The following ADIPOQ variants were observed in gnomAD, a reference collection of about 807,000 sequenced individuals.
The protein encoded by ADIPOQ is adiponectin, C1Q and collagen domain containing, also known as adiponectin.
ADIPOQ carries 19 observed loss-of-function variants against 16.1 expected under a neutral mutation model. The ratio of observed to expected loss-of-function variants is 1.18; its 90% CI spans 0.82 to 1.73. The LOEUF is 1.73. Among genes scored for constraint, ADIPOQ ranks in the 40% most tolerant of loss-of-function variants. The pLI is 0.00. For synonymous variants in ADIPOQ, 124 were observed against 125.5 expected (o/e 0.99, Z 0.08); for missense variants, 323 against 308.3 (o/e 1.05, Z -0.36).
chr3:186,846,051 G>T (rs895881111), intron 1 of ADIPOQ, among the ~76,000 whole-genome samples: 2 of 152,018 alleles, frequency 1.3e-5, no homozygotes, highest in African/African-American at 4.8e-5. Flanking sequence ...CTGAAGTTGG[G>T]CTCATTTCCT....
At chr3:186,853,455 T>C (rs185319313) in intron 2 of ADIPOQ, among the ~76,000 whole-genome samples, 183 bp downstream of exon 2, 35 of 152,254 alleles carry the variant, frequency 2.3e-4, no homozygotes, top group Non-Finnish European at 4.4e-5. Context: ...GGTGCCTCTA[T>C]AACCAAGACT....
At chr3:186,849,478 T>C (rs977239403) in intron 1 of ADIPOQ, among the ~76,000 whole-genome samples, 3 of 152,208 alleles carry the variant, frequency 2.0e-5, no homozygotes, top group South Asian at 2.1e-4. Flanking sequence ...TTGAGACTAG[T>C]CAAACCTAAG....
At chr3:186,848,381 GT>G (rs1711643037) in intron 1 of ADIPOQ, among the ~76,000 whole-genome samples, 2 of 152,210 alleles carry the variant, frequency 1.3e-5, no homozygotes, top group Non-Finnish European at 2.9e-5. Context: ...ATTTTTATAT[GT>G]TTGTCGTTTT....
At chr3:186,849,060 A>G (rs1711663763) in intron 1 of ADIPOQ, among the ~76,000 whole-genome samples, 1 of 152,164 alleles carries the variant, frequency 6.6e-6, no homozygotes, top group African/African-American at 2.4e-5. Flanking sequence ...GTGTTCCCTT[A>G]GGGTAGGAGA....
rs1711944339 is a variant in ADIPOQ, at chr3:186,855,003, G to GCTTGTAAAA, written c.*299_*300insCTTGTAAAA. 2.5e-5 allele frequency: 11 copies of GCTTGTAAAA among 433,168 alleles called. No individual in the cohort carries two copies. The highest frequency in any genetic ancestry group is 4.7e-5 in the Non-Finnish European group (11 of 234,608). 26.8% of individuals were successfully genotyped at this position (433,168 alleles called of 1,614,324 possible). A position where few individuals can be genotyped will look rare whatever the true frequency, so the allele number is the denominator to read the frequency against. On this transcript the variant is annotated 3_prime_UTR_variant, in exon 3 of 3. Transcript: ENST00000320741. ...TCATATCAATCCTATAAGGCACAGG[G>GCTTGTAAAA]AACAAGCATTCTCCTGTTTTTACAG...
At position 186,847,980 on chromosome 3, in the gene ADIPOQ, C is replaced by T. The variant is rs528963141; in HGVS notation, c.-8-5071C>T. Among the ~76,000 whole-genome samples, 1,148 of 151,880 alleles carry T rather than the reference C, an allele frequency of 7.6e-3. 7 individuals carry two copies. Among genetic ancestry groups the T allele is most frequent in the Non-Finnish European group, 0.012 (818 of 67,934 alleles). Reference sequence around the variant, plus strand: ...TGAGGTCAGGAGTTTGAGACCAGCCCGGCCAACATGGTGAAATCCCATCTC... The same window carrying T: ...TGAGGTCAGGAGTTTGAGACCAGCCTGGCCAACATGGTGAAATCCCATCTC... On this transcript the variant is annotated intron_variant, in intron 1 of 2. Transcript: ENST00000320741.
chr3:186,845,798 T>TTTA (rs1711561654), intron 1 of ADIPOQ, among the ~76,000 whole-genome samples: 1 of 152,190 alleles, frequency 6.6e-6, no homozygotes, highest in Non-Finnish European at 1.5e-5. Context: ...TATGGGAAGA[T>TTTA]TAAGTAAAAT....
chr3:186,852,829 A>G (rs1711828193), intron 1 of ADIPOQ: 2 of 554,096 alleles, frequency 3.6e-6, no homozygotes, highest in East Asian at 6.0e-5. Context: ...AGGAAAGGAG[A>G]CTACACACAG....
chr3:186,845,286 C>G (rs1711552066), intron 1 of ADIPOQ, among the ~76,000 whole-genome samples: 1 of 152,146 alleles, frequency 6.6e-6, no homozygotes, highest in African/African-American at 2.4e-5. Context: ...CTAGGCAAAG[C>G]TGAGTTGATT....
chr3:186,857,917 C>CTTCCTTCCTTTCTTTCTCTCTCTCTCTCT lies in ADIPOQ; in HGVS notation c.*3224_*3252dup, dbSNP rs1712068708. 1 of 150,008 alleles carries CTTCCTTCCTTTCTTTCTCTCTCTCTCTCT rather than the reference C, an allele frequency of 6.7e-6. No homozygotes were observed. The highest frequency in any genetic ancestry group is 6.8e-5 in the Admixed American group (1 of 14,680). The allele number at this position is 150,008 out of a possible 1,614,324, so 9.3% of individuals were successfully genotyped here. On this transcript the variant is annotated 3_prime_UTR_variant, in exon 3 of 3. Coordinates refer to ENST00000320741, the MANE Select transcript of ADIPOQ (RefSeq NM_004797.4). ...CTTTTCTTTCTTCCTTCCTTTCTTTCTTCCTTCCTTTCTTTCTCTCTCTCT... is the reference window on the plus strand; with the variant it reads ...CTTTTCTTTCTTCCTTCCTTTCTTTCTTCCTTCCTTTCTTTCTCTCTCTCTCTCTTTCCTTCCTTTCTTTCTCTCTCTCT...
At position 186,855,075 on chromosome 3, in the gene ADIPOQ, C is replaced by T. The variant is rs73888309; in HGVS notation, c.*371C>T. 2.3e-3 allele frequency: 771 copies of T among 330,878 alleles called. 13 individuals carry two copies. The highest frequency in any genetic ancestry group is 0.015 in the African/African-American group (688 of 46,500). 20.5% of individuals were successfully genotyped at this position (330,878 alleles called of 1,614,324 possible). On this transcript the variant is annotated 3_prime_UTR_variant, in exon 3 of 3. Transcript: ENST00000320741. Reference sequence around the variant, plus strand: ...AGTTAAGTGAATGTCTAAGGTCACACAGTATTAAGTGACAGTGCTAGAAAT... The same window carrying T: ...AGTTAAGTGAATGTCTAAGGTCACATAGTATTAAGTGACAGTGCTAGAAAT...
At position 186,853,211 on chromosome 3, in the gene ADIPOQ, G is replaced by T. The variant is rs202187878; in HGVS notation, c.153G>T (p.Gly51=). The change falls in exon 2 of 3, where the codon GGG becomes GGT. Residue 51 remains glycine, a synonymous_variant. Coordinates refer to ENST00000320741, the MANE Select transcript of ADIPOQ (RefSeq NM_004797.4). ...TCCCAGGGCATCCGGGCCATAATGG[G>T]GCCCCAGGCCGTGATGGCAGAGATG... ...AGIPGHPGHN[G]APGRDGRDGT... 1.2e-6 allele frequency: 2 copies of T among 1,613,904 alleles called. No individual in the cohort carries two copies. Among genetic ancestry groups the T allele is most frequent in the Non-Finnish European group, 1.7e-6 (2 of 1,179,930 alleles).
At chr3:186,843,192 C>T (rs1156900071) in intron 1 of ADIPOQ, among the ~76,000 whole-genome samples, 2 of 152,184 alleles carry the variant, frequency 1.3e-5, no homozygotes, top group Non-Finnish European at 2.9e-5. Context: ...TGACTTCAGA[C>T]TGGAATTAGG....
chr3:186,849,516 A>G (rs1560107742), intron 1 of ADIPOQ, among the ~76,000 whole-genome samples: 1 of 152,062 alleles, frequency 6.6e-6, no homozygotes, highest in African/African-American at 2.4e-5. Context: ...TCCAGAAGCT[A>G]TTGAGAACAC....
chr3:186,854,671 C>G lies in ADIPOQ; in HGVS notation c.702C>G (p.Phe234Leu). ...LYADNDNDSTFTGFLLYHDTN is the reference protein window; with the variant it reads ...LYADNDNDSTLTGFLLYHDTN ...CTGATAATGACAATGACTCCACCTT[C>G]ACAGGCTTTCTTCTCTACCATGACA... The change falls in exon 3 of 3, where the codon TTC becomes TTG. Residue 234 changes from phenylalanine to leucine, a missense_variant. By Grantham distance (22) the Phe-to-Leu change is conservative. Coordinates refer to ENST00000320741, the MANE Select transcript of ADIPOQ (RefSeq NM_004797.4). 6.2e-7 allele frequency: 1 copy of G among 1,614,180 alleles called. No individual in the cohort carries two copies. Among genetic ancestry groups the G allele is most frequent in the South Asian group, 1.1e-5 (1 of 91,078 alleles).
chr3:186,853,316 G>A (rs1416972629), intron 2 of ADIPOQ, 44 bp downstream of exon 2: 4 of 1,542,558 alleles, frequency 2.6e-6, no homozygotes, highest in African/African-American at 2.7e-5. Flanking sequence ...CTCCTACACT[G>A]ATATAAACTA....
intron 1 of ADIPOQ, among the ~76,000 whole-genome samples, chr3:186,849,168 C>G (rs948121951): frequency 6.6e-6 from 1 of 152,208 alleles, no homozygotes; most frequent in African/African-American, 2.4e-5. Flanking sequence ...CCCCCCGTCA[C>G]CCTTTATCTC....
At chr3:186,849,959 T>G (rs1439346328) in intron 1 of ADIPOQ, among the ~76,000 whole-genome samples, 14 of 152,100 alleles carry the variant, frequency 9.2e-5, no homozygotes, top group Non-Finnish European at 2.1e-4. Flanking sequence ...TTAGCATGAA[T>G]AAGAACTGTT....
intron 1 of ADIPOQ, among the ~76,000 whole-genome samples, chr3:186,850,691 T>A (rs1280979875): frequency 1.3e-5 from 2 of 152,106 alleles, no homozygotes; most frequent in Non-Finnish European, 2.9e-5. Flanking sequence ...ATTGATTATA[T>A]CCACTTACTA....
Sources: allele counts gnomAD v4.1 joint callset (sites outside exome capture counted in the v4.1 genomes callset), GRCh38; gene constraint gnomAD v4.1.1; transcripts MANE v1.5; gene names NCBI Gene and HGNC (gene_info 2026-07-23, HGNC 2026-07-21).